The following C5orf58 variants were observed in gnomAD, a reference collection of about 807,000 sequenced individuals.
The protein encoded by C5orf58 is putative uncharacterized protein C5orf58.
A neutral mutation model predicts 2.9 loss-of-function variants in C5orf58; 2 were observed. The observed-to-expected ratio is 0.69, with a 90% CI of 0.28 to 2.18. C5orf58 has a LOEUF of 2.18. C5orf58 is among the 30% of genes most tolerant of loss of function. The pLI is 0.13. For synonymous variants in C5orf58, 37 were observed against 33.4 expected (o/e 1.11, Z -0.37); for missense variants, 96 against 91.7 (o/e 1.05, Z -0.19).
intron 3 of C5orf58, among the ~76,000 whole-genome samples, chr5:170,240,023 G>C (rs1760922971): frequency 6.6e-6 from 1 of 151,110 alleles, no homozygotes; most frequent in South Asian, 2.1e-4. Flanking sequence ...AGAATATGCG[G>C]TGTTTGGTTT....
At chr5:170,235,141 C>A in intron 3 of C5orf58, 71 bp downstream of exon 3, 1 of 797,682 alleles carries the variant, frequency 1.3e-6, no homozygotes, top group Non-Finnish European at 2.0e-6. Context: ...GTTTGTGTTT[C>A]TGCTGGGGTA....
downstream of C5orf58, among the ~76,000 whole-genome samples, chr5:170,249,276 G>A (rs957261844): frequency 6.6e-6 from 1 of 151,576 alleles, no homozygotes; most frequent in African/African-American, 2.4e-5. Context: ...AGTGAGCCGA[G>A]ATTGCGCCAT....
intron 3 of C5orf58, among the ~76,000 whole-genome samples, chr5:170,243,375 G>T (rs2113120695): frequency 8.4e-6 from 1 of 119,086 alleles, no homozygotes; most frequent in South Asian, 2.9e-4. Context: ...ATTGACAGTG[G>T]GGTGTTAAAG....
intron 2 of C5orf58, among the ~76,000 whole-genome samples, 160 bp downstream of exon 2, chr5:170,234,358 A>G (rs1760652099): frequency 6.6e-6 from 1 of 152,202 alleles, no homozygotes; most frequent in Non-Finnish European, 1.5e-5. Flanking sequence ...CTCTCTGTAT[A>G]TTTGTATCTG....
chr5:170,251,584 C>T (rs1344173455), intron 2 of C5orf58: 5 of 455,148 alleles, frequency 1.1e-5, no homozygotes, highest in South Asian at 4.7e-5. Context: ...CATACCAAAT[C>T]AGGATAGCTT....
At chr5:170,251,605 T>G (rs538119225) in intron 2 of C5orf58, 39 of 456,056 alleles carry the variant, frequency 8.6e-5, no homozygotes, top group South Asian at 5.9e-4. Context: ...TAAATAGCCA[T>G]GAGTTGGCAA....
At chr5:170,238,864 T>C (rs1760854157) in intron 3 of C5orf58, among the ~76,000 whole-genome samples, 1 of 152,014 alleles carries the variant, frequency 6.6e-6, no homozygotes, top group South Asian at 2.1e-4. Context: ...CATATAATTT[T>C]ATTCCCTCTG....
At chr5:170,244,435 T>A (rs1761160817) in intron 3 of C5orf58, among the ~76,000 whole-genome samples, 1 of 148,030 alleles carries the variant, frequency 6.8e-6, no homozygotes, top group Non-Finnish European at 1.5e-5. Context: ...GTAGATTTGG[T>A]CTTTTCACAT....
chr5:170,251,302 G>C, intron 2 of C5orf58: 2 of 193,020 alleles, frequency 1.0e-5, no homozygotes, highest in Admixed American at 5.5e-5. Context: ...CACATCCAAA[G>C]TCAGAAAACA....
At chr5:170,248,627 G>A, downstream of C5orf58, 3 of 1,578,634 alleles carry the variant, frequency 1.9e-6, no homozygotes, top group East Asian at 4.5e-5. Context: ...TTTGTCCATT[G>A]ACCAAGGCTG....
chr5:170,244,538 A>G (rs2113125786), intron 3 of C5orf58, among the ~76,000 whole-genome samples: 1 of 152,020 alleles, frequency 6.6e-6, no homozygotes, highest in East Asian at 1.9e-4. Context: ...TTCATCTGCC[A>G]TTGCTGATAC....
At chr5:170,248,523 G>A (rs1393587227), downstream of C5orf58, 1 of 649,718 alleles carries the variant, frequency 1.5e-6, no homozygotes, top group Non-Finnish European at 2.7e-6. Context: ...AATAAATTAT[G>A]GGATAGTTGA....
Position 170,246,085 on chromosome 5 carries a change from C to G in C5orf58, c.218C>G (p.Ser73Cys), listed in dbSNP as rs371385306. The change falls in exon 4 of 4, where the codon TCC becomes TGC. Residue 73 changes from serine to cysteine, a missense_variant. Coordinates refer to ENST00000593851, the MANE Select transcript of C5orf58 (RefSeq NM_001102609.3). ...LFEESKISDV[S>C]LVSNSFSI is the part of the protein sequence containing the mutation. ...GAAGAGTCTAAAATATCAGATGTATCCCTTGTTTCTAACAGTTTTTCTATC... is the reference window on the plus strand; with the variant it reads ...GAAGAGTCTAAAATATCAGATGTATGCCTTGTTTCTAACAGTTTTTCTATC... The G allele has an allele frequency of 3.7e-6, 6 of 1,611,598 alleles. No homozygotes were observed. In the African/African-American group the frequency reaches 4.0e-5, roughly 11 times the overall value.
intron 2 of C5orf58, 48 bp downstream of exon 2, chr5:170,234,246 C>A: frequency 8.6e-7 from 1 of 1,161,662 alleles, no homozygotes; most frequent in Non-Finnish European, 1.2e-6. Flanking sequence ...CCCATGACTG[C>A]CCACCTTTCA....
chr5:170,236,297 G>C lies in C5orf58; in HGVS notation c.94+1227G>C, dbSNP rs1330133508. 2.0e-5 allele frequency among the ~76,000 whole-genome samples: 3 copies of C among 152,250 alleles called. No homozygotes were observed. In the East Asian group the frequency reaches 5.8e-4, roughly 29 times the overall value. On this transcript the variant is annotated intron_variant, in intron 3 of 3. Transcript: ENST00000593851. The stretch of plus-strand genomic sequence containing the variant: ...TTTTCCATGTGTTCTCCCTAGGACA[G>C]CATTTCCTGGACTTTGATCTGTGAA...
At chr5:170,237,485 C>T in intron 3 of C5orf58, 1 of 388,272 alleles carries the variant, frequency 2.6e-6, no homozygotes. Flanking sequence ...TTTAAAGAGA[C>T]AAAAATCCAC....
At chr5:170,245,135 G>T (rs866732302) in intron 3 of C5orf58, among the ~76,000 whole-genome samples, 68 of 151,750 alleles carry the variant, frequency 4.5e-4, no homozygotes, top group Middle Eastern at 3.4e-3. Flanking sequence ...CCCGTTCTCA[G>T]ATCTCCAGCT....
intron 3 of C5orf58, among the ~76,000 whole-genome samples, chr5:170,238,892 A>T (rs1760856057): frequency 6.6e-6 from 1 of 152,232 alleles, no homozygotes; most frequent in South Asian, 2.1e-4. Context: ...CTGAGCCTAT[A>T]TGTCACCAAA....
At chr5:170,250,286 A>G (rs1159790152), downstream of C5orf58, among the ~76,000 whole-genome samples, 1 of 152,216 alleles carries the variant, frequency 6.6e-6, no homozygotes, top group Non-Finnish European at 1.5e-5. Context: ...CCATCCTCAC[A>G]GAGCCAAACC....
Sources: gnomAD v4.1 joint callset for allele counts (sites outside exome capture counted in the v4.1 genomes callset) on GRCh38, gnomAD v4.1.1 for gene constraint, MANE v1.5 for transcripts, NCBI Gene and HGNC (gene_info 2026-07-23, HGNC 2026-07-21) for gene names.